Variants in MGAM observed in about 807,000 individuals in gnomAD.
MGAM encodes the protein alpha-1,4-glucosidase.
In MGAM, 253 loss-of-function variants were observed where a neutral mutation model predicts 358.8. The ratio of observed to expected loss-of-function variants is 0.71; its 90% CI spans 0.64 to 0.78. MGAM has a LOEUF of 0.78. Among genes scored for constraint, MGAM ranks in the 30% least tolerant of loss-of-function variants. The pLI is 0.00. For synonymous variants in MGAM, 1,105 were observed against 1,227.1 expected (o/e 0.90, Z 2.08); for missense variants, 3,080 against 3,432.6 (o/e 0.90, Z 2.57).
chr7:142,102,479 T>C lies in MGAM; in HGVS notation c.7964-151T>C, dbSNP rs1179704904. On this transcript the variant is annotated intron_variant, in intron 68 of 70. Transcript: ENST00000475668. Reference sequence around the variant, plus strand: ...CATAAAGAGCACTTACATTTTAAAATAGAACACTCAAAAGACAGAAATAAA... The same window carrying C: ...CATAAAGAGCACTTACATTTTAAAACAGAACACTCAAAAGACAGAAATAAA... 15 of 725,926 alleles carry C rather than the reference T, an allele frequency of 2.1e-5. No individual in the cohort carries two copies. The East Asian group carries it at 4.2e-4, about 20-fold the overall frequency. 45.0% of individuals were successfully genotyped at this position (725,926 alleles called of 1,614,324 possible).
At chr7:142,022,495 T>C in intron 7 of MGAM, 56 bp downstream of exon 7, 1 of 1,544,902 alleles carries the variant, frequency 6.5e-7, no homozygotes, top group Non-Finnish European at 8.8e-7. Flanking sequence ...TTCTTAAAGG[T>C]CACCTCTAGT....
At chr7:142,019,439 G>T in intron 4 of MGAM, 120 bp downstream of exon 4, 1 of 1,080,092 alleles carries the variant, frequency 9.3e-7, no homozygotes, top group Non-Finnish European at 1.3e-6. Flanking sequence ...TGTGACAGAA[G>T]GTGGGCATTG....
chr7:142,058,410 G>A (rs2960756), intron 31 of MGAM, 82 bp downstream of exon 31: 3 of 1,587,888 alleles, frequency 1.9e-6, no homozygotes, highest in Non-Finnish European at 2.6e-6. Context: ...AATGTTTGTT[G>A]GATTCCATAA....
chr7:142,021,894 C>A (rs782184367), intron 6 of MGAM, among the ~76,000 whole-genome samples, 157 bp downstream of exon 6: 11 of 152,080 alleles, frequency 7.2e-5, no homozygotes, highest in Non-Finnish European at 1.3e-4. Context: ...TTTTTTCTGG[C>A]TTTCTTTCTC....
rs527568377 is a variant in MGAM, at chr7:141,998,882, C to T, written c.-3+2952C>T. On this transcript the variant is annotated intron_variant, in intron 1 of 70. Transcript: ENST00000475668. ...ATTTACACTCCCAACAGTGTAAAAG[C>T]GTTCATATGTATATAGTAATAATTC... Among the ~76,000 whole-genome samples the T allele has an allele frequency of 6.6e-4, 101 of 152,176 alleles. No homozygotes were observed. The South Asian group carries it at 0.015, about 23-fold the overall frequency.
intron 21 of MGAM, among the ~76,000 whole-genome samples, chr7:142,045,313 T>G (rs1421529135): frequency 1.7e-5 from 1 of 58,632 alleles, no homozygotes; most frequent in Non-Finnish European, 3.6e-5. Flanking sequence ...TATATGTACC[T>G]ATAATATATG....
At chr7:142,076,138 A>C (rs935374548) in intron 45 of MGAM, 65 bp from the exon 46 acceptor site, 2 of 1,204,920 alleles carry the variant, frequency 1.7e-6, no homozygotes, top group Non-Finnish European at 2.5e-6. Flanking sequence ...AAAGAGTGGG[A>C]GTGTGAAATC....
rs1317941790 is a variant in MGAM, at chr7:142,106,181, A to C, written c.*290A>C. On this transcript the variant is annotated 3_prime_UTR_variant, in exon 71 of 71. Transcript: ENST00000475668. The stretch of plus-strand genomic sequence containing the variant: ...CATTTACTGAAGATGAACTGGGTCC[A>C]TGATGAAGTGTGTGTATGTCCACGT... The C allele has an allele frequency of 8.4e-6, 2 of 237,628 alleles. No homozygotes were observed. The highest frequency in any genetic ancestry group is 1.2e-4 in the South Asian group (2 of 17,220). 14.7% of individuals were successfully genotyped at this position (237,628 alleles called of 1,614,324 possible).
Position 142,056,866 on chromosome 7 carries a change from G to T in MGAM, c.3617G>T (p.Arg1206Leu), listed in dbSNP as rs780595542. 4 of 1,613,660 alleles carry T rather than the reference G, an allele frequency of 2.5e-6. No homozygotes were observed. Among genetic ancestry groups the T allele is most frequent in the Middle Eastern group, 1.6e-4 (1 of 6,082 alleles). Residue 1206 changes from arginine to leucine, a missense_variant, in exon 30 of 71, where the codon CGC becomes CTC. Arg to Leu is a moderately radical substitution (Grantham distance 102). This residue lies in a region of MGAM where 1,816 missense variants were observed against 1,840.5 expected (regional missense o/e 0.99). Coordinates refer to ENST00000475668, the MANE Select transcript of MGAM (RefSeq NM_001365693.1). ...TFQPLPALTY[R>L]TTGGVLDFYV... ...CAGCCCCTGCCTGCCTTGACATACC[G>T]CACCACAGGGGGAGTTCTGGACTTT...
chr7:142,099,648 C>T lies in MGAM; in HGVS notation c.7785C>T (p.Thr2595=). ...VDINARGEWK[T]LPAPLDHINL... ...TTAATGCAAGAGGAGAGTGGAAGACCTTGCCAGCCCCTCTTGACCACATTA... is the reference window on the plus strand; with the variant it reads ...TTAATGCAAGAGGAGAGTGGAAGACTTTGCCAGCCCCTCTTGACCACATTA... The change falls in exon 67 of 71, where the codon ACC becomes ACT. Residue 2595 remains threonine, a synonymous_variant. Transcript: ENST00000475668. 6.8e-6 allele frequency: 11 copies of T among 1,613,940 alleles called. No individual in the cohort carries two copies. Among genetic ancestry groups the T allele is most frequent in the Non-Finnish European group, 9.3e-6 (11 of 1,179,864 alleles).
At chr7:142,076,296 T>A (rs1813727208) in intron 46 of MGAM, 44 bp downstream of exon 46, 1 of 1,424,888 alleles carries the variant, frequency 7.0e-7, no homozygotes, top group South Asian at 1.2e-5. Context: ...GGCTTTGGAC[T>A]GACCATTAGC....
intron 21 of MGAM, among the ~76,000 whole-genome samples, chr7:142,045,178 A>C (rs1563156530): frequency 1.8e-4 from 10 of 55,526 alleles, no homozygotes; most frequent in African/African-American, 6.9e-4. Flanking sequence ...TATATTATAT[A>C]ACATATATGA....
intron 10 of MGAM, among the ~76,000 whole-genome samples, chr7:142,028,730 GTGC>G (rs1286122008): frequency 1.3e-5 from 2 of 152,112 alleles, no homozygotes; most frequent in African/African-American, 2.4e-5. Context: ...GTAAAAGAAA[GTGC>G]TTAATGGAAT....
intron 1 of MGAM, among the ~76,000 whole-genome samples, chr7:142,002,530 T>TA (rs1222950870): frequency 2.1e-4 from 31 of 150,656 alleles, no homozygotes; most frequent in East Asian, 1.2e-3. Context: ...CATTCCTTCA[T>TA]AAAAAAAAAC....
At chr7:141,988,698 T>G (rs1803816313) in intron 2 of MGAM, among the ~76,000 whole-genome samples, 1 of 152,176 alleles carries the variant, frequency 6.6e-6, no homozygotes, top group Non-Finnish European at 1.5e-5. Flanking sequence ...CTAGGTGATG[T>G]GTTATTCCTA....
intron 54 of MGAM, among the ~76,000 whole-genome samples, chr7:142,085,060 C>T (rs1455809251): frequency 2.0e-5 from 3 of 146,696 alleles, no homozygotes; most frequent in South Asian, 2.2e-4. Context: ...CCTCAGTTCC[C>T]GCAGCCCTGG....
rs1335380765 is a variant in MGAM at position 142,027,676 on chromosome 7, G to A, written c.1162G>A (p.Gly388Arg). The part of the protein sequence containing the change: ...LGFHLSRYEY[G>R]TLDNMREVVE... ...ATTTCACCTCAGTCGTTACGAATAT[G>A]GAACCTTAGACAACATGAGGGAAGT... is the stretch of plus-strand genomic sequence containing the variant. The change falls in exon 10 of 71, where the codon GGA becomes AGA. Residue 388 changes from glycine (G) to arginine (R), a missense_variant. Around this residue, in one of 5 missense-constraint regions of MGAM, gnomAD observed 1,816 missense variants for 1,840.5 expected, o/e 0.99. Coordinates refer to ENST00000475668, the MANE Select transcript of MGAM (RefSeq NM_001365693.1). 3.1e-6 allele frequency: 5 copies of A among 1,613,540 alleles called. No individual in the cohort carries two copies. The highest frequency in any genetic ancestry group is 2.5e-6 in the Non-Finnish European group (3 of 1,179,704).
Position 142,065,364 on chromosome 7 carries a change from G to A in MGAM, c.4514G>A (p.Gly1505Glu). The A allele has an allele frequency of 1.2e-6, 2 of 1,610,476 alleles. No individual in the cohort carries two copies. The highest frequency in any genetic ancestry group is 8.5e-7 in the Non-Finnish European group (1 of 1,178,584). ...EAVQEVTGQR[G>E]VVITRSTFPS... ...GTGCAGGAGGTGACGGGACAGCGAG[G>A]GGTCGTCATCACCCGCTCCACATTT... is the stretch of plus-strand genomic sequence containing the variant. The change falls in exon 38 of 71, where the codon GGG becomes GAG. Residue 1505 changes from glycine to glutamate, a missense_variant. Gly to Glu is a moderately conservative substitution (Grantham distance 98, BLOSUM62 -2). Around this residue, in one of 5 missense-constraint regions of MGAM, gnomAD observed 134 missense variants for 198.4 expected, o/e 0.68. Coordinates refer to ENST00000475668, the MANE Select transcript of MGAM (RefSeq NM_001365693.1).
At chr7:142,017,691 C>T (rs973222863) in intron 3 of MGAM, among the ~76,000 whole-genome samples, 2 of 152,092 alleles carry the variant, frequency 1.3e-5, no homozygotes, top group Non-Finnish European at 2.9e-5. Flanking sequence ...AGGTTGAGTT[C>T]ACAGTGACAC....
Sources: allele counts gnomAD v4.1 joint callset (sites outside exome capture counted in the v4.1 genomes callset), GRCh38; gene constraint gnomAD v4.1.1; regional missense constraint gnomAD v4.1.1; transcripts MANE v1.5; gene names NCBI Gene and HGNC (gene_info 2026-07-23, HGNC 2026-07-21).